NLRP11: variants seen among roughly 807,000 people sequenced by gnomAD.
NLRP11 encodes NACHT, LRR and PYD domains-containing protein 11.
Under a neutral mutation model 79.3 loss-of-function variants are expected in NLRP11, and 53 were observed. The observed-to-expected ratio is 0.67, with a 90% CI of 0.54 to 0.84. NLRP11 has a LOEUF of 0.84. NLRP11 is among the 40% of genes least tolerant of loss of function. The pLI is 0.00. For missense variants in NLRP11, 1,264 were observed against 1,255.0 expected (o/e 1.01, Z -0.11); for synonymous variants, 518 against 462.6 (o/e 1.12, Z -1.54).
chr19:55,798,752 T>A lies in NLRP11; in HGVS notation c.2172-2502A>T, dbSNP rs73058153. Among the ~76,000 whole-genome samples, 8 of 95,832 alleles carry A rather than the reference T, an allele frequency of 8.3e-5. No homozygotes were observed. In the East Asian group the frequency reaches 1.0e-3, roughly 12 times the overall value. The allele number at this position is 95,832 out of a possible 152,430, so 62.9% of individuals were successfully genotyped here. A position where few individuals can be genotyped will look rare whatever the true frequency, so the allele number is the denominator to read the frequency against. On this transcript the variant is annotated intron_variant, in intron 5 of 9. Transcript: ENST00000589093. The stretch of plus-strand genomic sequence containing the variant: ...TTGCTTCAAACACACACACACACAC[T>A]CACACACACACACACACCGGAAAAC...
At chr19:55,831,801 A>C (rs1182591940) in intron 1 of NLRP11, among the ~76,000 whole-genome samples, 162 bp downstream of exon 1, 3 of 152,172 alleles carry the variant, frequency 2.0e-5, no homozygotes, top group African/African-American at 4.8e-5. Context: ...GAACTTGAAA[A>C]AGGTAACAGA....
At position 55,798,287 on chromosome 19, in the gene NLRP11, C is replaced by T. The variant is rs145727705; in HGVS notation, c.2172-2037G>A. 1.8e-3 allele frequency: 1,777 copies of T among 981,344 alleles called. 66 individuals carry two copies. The South Asian group carries it at 0.063, about 35-fold the overall frequency. The allele number at this position is 981,344 out of a possible 1,614,324, so 60.8% of individuals were successfully genotyped here. A position where few individuals can be genotyped will look rare whatever the true frequency, so the allele number is the denominator to read the frequency against. ...TGTTGGGATTCCAGGCGTGAGCCGT[C>T]GCGTTGGCCTGTGTATTCTATTTGG... On this transcript the variant is annotated intron_variant, in intron 5 of 9. Transcript: ENST00000589093.
chr19:55,818,477 A>G (rs1038084185), intron 1 of NLRP11, among the ~76,000 whole-genome samples: 1 of 152,240 alleles, frequency 6.6e-6, no homozygotes, highest in African/African-American at 2.4e-5. Context: ...GGTAAAAGTT[A>G]TCCCTGATTA....
chr19:55,828,861 T>C (rs1183195329), intron 1 of NLRP11, among the ~76,000 whole-genome samples: 1 of 152,118 alleles, frequency 6.6e-6, no homozygotes, highest in East Asian at 1.9e-4. Flanking sequence ...TAAAAACAGA[T>C]GTATATCTGA....
chr19:55,790,190 C>T (rs923914374), intron 7 of NLRP11, among the ~76,000 whole-genome samples: 1 of 152,168 alleles, frequency 6.6e-6, no homozygotes, highest in Non-Finnish European at 1.5e-5. Context: ...CTCCTGATTA[C>T]GTGCCCTTAG....
upstream of NLRP11, among the ~76,000 whole-genome samples, chr19:55,833,660 C>T (rs1310078680): frequency 4.2e-5 from 6 of 142,408 alleles, no homozygotes; most frequent in Non-Finnish European, 7.5e-5. Flanking sequence ...CCCAGCTACT[C>T]GGGAGGCTGA....
At chr19:55,820,167 G>C (rs530920453) in intron 1 of NLRP11, among the ~76,000 whole-genome samples, 9 of 152,074 alleles carry the variant, frequency 5.9e-5, no homozygotes, top group Non-Finnish European at 8.8e-5. Flanking sequence ...GTCACTCCCT[G>C]TTTCCCTCTC....
exon 4 of NLRP11, chr19:55,807,859 G>T (rs1368322521): frequency 1.2e-6 from 2 of 1,607,962 alleles, no homozygotes; most frequent in South Asian, 1.1e-5. Context: ...TTACTTGAGT[G>T]TGCGAAGTTT....
chr19:55,819,178 CACACACACACAG>C lies in NLRP11; in HGVS notation c.-62-954_-62-943del, dbSNP rs1260932840. Among the ~76,000 whole-genome samples, 72 of 120,432 alleles carry C rather than the reference CACACACACACAG, an allele frequency of 6.0e-4. 1 individual carries two copies. The highest frequency in any genetic ancestry group is 2.5e-3 in the African/African-American group (66 of 26,658). 79.0% of individuals were successfully genotyped at this position (120,432 alleles called of 152,430 possible). ...ACACACACACACACACACACACACA[CACACACACACAG>C]GTTGCCTCTTCAATTCTACCCCACC... On this transcript the variant is annotated intron_variant, in intron 1 of 9. Coordinates refer to ENST00000589093, the Ensembl canonical transcript of NLRP11.
chr19:55,813,741 G>A (rs1264536320), intron 2 of NLRP11, among the ~76,000 whole-genome samples: 1 of 152,050 alleles, frequency 6.6e-6, no homozygotes, highest in Admixed American at 6.6e-5. Flanking sequence ...CAGGGCCCTG[G>A]GCAGAGGAGG....
At position 55,801,558 on chromosome 19, in the gene NLRP11, G is replaced by A. The variant is rs368426260; in HGVS notation, c.2171+14C>T. On this transcript the variant is annotated intron_variant, in intron 5 of 9. Coordinates refer to ENST00000589093, the Ensembl canonical transcript of NLRP11. ...CCTCACATGCACTGAGCTTTCAGCC[G>A]AGCAACAACTCACCTCAGATGACTT... 398 of 1,612,272 alleles carry A rather than the reference G, an allele frequency of 2.5e-4. No individual in the cohort carries two copies. The highest frequency in any genetic ancestry group is 3.1e-4 in the Non-Finnish European group (363 of 1,178,668).
intron 4 of NLRP11, among the ~76,000 whole-genome samples, chr19:55,804,435 G>A (rs1359888101): frequency 6.7e-6 from 1 of 150,230 alleles, no homozygotes; most frequent in Non-Finnish European, 1.5e-5. Flanking sequence ...ATAAAAAAGA[G>A]AGCATTTTTT....
At chr19:55,833,690 C>T (rs926317270), upstream of NLRP11, among the ~76,000 whole-genome samples, 14 of 147,788 alleles carry the variant, frequency 9.5e-5, no homozygotes, top group African/African-American at 3.3e-4. Context: ...ATTACTTGAG[C>T]CCGGGAGGAG....
chr19:55,834,103 G>C (rs1983035189), upstream of NLRP11, among the ~76,000 whole-genome samples: 1 of 152,054 alleles, frequency 6.6e-6, no homozygotes, highest in African/African-American at 2.4e-5. Flanking sequence ...TTGTCAACAA[G>C]ACCTCACATT....
chr19:55,791,160 T>G (rs1363045168), intron 7 of NLRP11, among the ~76,000 whole-genome samples: 1 of 152,188 alleles, frequency 6.6e-6, no homozygotes, highest in African/African-American at 2.4e-5. Context: ...ACAGGGACAT[T>G]ATGGCCCACA....
chr19:55,799,264 CATAA>C (rs371247794), intron 5 of NLRP11, among the ~76,000 whole-genome samples: 4,350 of 152,126 alleles, frequency 0.029, 214 homozygotes, highest in African/African-American at 0.1. Context: ...GACTTTGTCT[CATAA>C]ATAAATATCA....
intron 7 of NLRP11, among the ~76,000 whole-genome samples, chr19:55,791,428 G>A (rs1032655986): frequency 2.0e-5 from 3 of 152,148 alleles, no homozygotes; most frequent in Non-Finnish European, 2.9e-5. Flanking sequence ...ATGGTAACAT[G>A]GATTTAACTT....
upstream of NLRP11, among the ~76,000 whole-genome samples, chr19:55,835,271 A>G (rs1462537980): frequency 1.3e-5 from 2 of 152,266 alleles, no homozygotes; most frequent in South Asian, 4.1e-4. Context: ...GCGTGAACCC[A>G]GAAGATGACT....
chr19:55,794,906 T>C (rs1211616081), intron 6 of NLRP11, among the ~76,000 whole-genome samples: 2 of 152,240 alleles, frequency 1.3e-5, no homozygotes, highest in East Asian at 1.9e-4. Flanking sequence ...TATTATGTTT[T>C]GGAATCTAGC....
Sources: allele counts gnomAD v4.1 joint callset (sites outside exome capture counted in the v4.1 genomes callset), GRCh38; gene constraint gnomAD v4.1.1; transcripts MANE v1.5; gene names NCBI Gene and HGNC (gene_info 2026-07-23, HGNC 2026-07-21).